SLC16A7: variants seen among roughly 807,000 people sequenced by gnomAD.
SLC16A7 encodes solute carrier family 16 member 7.
A neutral mutation model predicts 34.9 loss-of-function variants in SLC16A7; 33 were observed. That is an observed-to-expected ratio of 0.94 (90% CI 0.72 to 1.26). The LOEUF is 1.26. Among genes scored for constraint, SLC16A7 ranks in the 50% most tolerant of loss-of-function variants. The pLI, the probability that SLC16A7 is intolerant of heterozygous loss-of-function variation, is 0.00. For missense variants in SLC16A7, 573 were observed against 578.1 expected (o/e 0.99, Z 0.09); for synonymous variants, 201 against 206.6 (o/e 0.97, Z 0.23).
intron 3 of SLC16A7, among the ~76,000 whole-genome samples, chr12:59,740,491 C>G (rs1421520097): frequency 1.3e-5 from 2 of 152,070 alleles, no homozygotes; most frequent in African/African-American, 2.4e-5. Context: ...GCAGAAAAGG[C>G]CTTTGACAAA....
intron 1 of SLC16A7, among the ~76,000 whole-genome samples, chr12:59,623,750 G>A (rs1403754905): frequency 2.0e-5 from 3 of 151,414 alleles, no homozygotes; most frequent in Non-Finnish European, 3.0e-5. Flanking sequence ...CATTTCTATT[G>A]TTTTGTCTTA....
intron 2 of SLC16A7, among the ~76,000 whole-genome samples, chr12:59,687,656 G>C (rs772147392): frequency 6.6e-5 from 10 of 152,230 alleles, no homozygotes; most frequent in Non-Finnish European, 1.3e-4. Context: ...TGCCCATGCT[G>C]CTTAGGCACT....
At chr12:59,660,574 G>T (rs1868793890) in intron 2 of SLC16A7, among the ~76,000 whole-genome samples, 1 of 151,786 alleles carries the variant, frequency 6.6e-6, no homozygotes, top group African/African-American at 2.4e-5. Flanking sequence ...ATTATCCAGG[G>T]ATAGTGGCAT....
intron 1 of SLC16A7, among the ~76,000 whole-genome samples, chr12:59,623,653 C>T (rs1361886814): frequency 6.6e-6 from 1 of 151,578 alleles, no homozygotes; most frequent in African/African-American, 2.4e-5. Flanking sequence ...CTAATTAATT[C>T]TGTTTTATTT....
chr12:59,745,197 A>G (rs1283708699), intron 3 of SLC16A7, among the ~76,000 whole-genome samples: 1 of 152,196 alleles, frequency 6.6e-6, no homozygotes, highest in Non-Finnish European at 1.5e-5. Flanking sequence ...TCTTTTTCAT[A>G]TCTGAAGAAA....
intron 3 of SLC16A7, among the ~76,000 whole-genome samples, chr12:59,757,191 G>A (rs1230208580): frequency 6.6e-6 from 1 of 151,284 alleles, no homozygotes; most frequent in African/African-American, 2.4e-5. Context: ...CACCAGCATG[G>A]CACATGTATA....
At chr12:59,637,654 C>T (rs1404359432) in intron 1 of SLC16A7, among the ~76,000 whole-genome samples, 2 of 152,036 alleles carry the variant, frequency 1.3e-5, no homozygotes, top group African/African-American at 4.8e-5. Context: ...GAAATGAAGA[C>T]CAAAGACCCA....
chr12:59,772,982 ATGTTTGTT>A, intron 4 of SLC16A7, among the ~76,000 whole-genome samples: 1 of 152,148 alleles, frequency 6.6e-6, no homozygotes, highest in African/African-American at 2.4e-5. Flanking sequence ...TTTCAAGCCT[ATGTTTGTT>A]TAACCATGCC....
At chr12:59,663,450 A>G (rs1485626229) in intron 2 of SLC16A7, among the ~76,000 whole-genome samples, 1 of 152,066 alleles carries the variant, frequency 6.6e-6, no homozygotes, top group Non-Finnish European at 1.5e-5. Context: ...AGGTATATGT[A>G]CAGGGTACAA....
intron 3 of SLC16A7, chr12:59,719,771 A>G (rs979563688): frequency 1.5e-5 from 4 of 274,966 alleles, no homozygotes; most frequent in African/African-American, 8.8e-5. Context: ...CTCCAAAAAC[A>G]GAGAACTGGT....
intron 3 of SLC16A7, among the ~76,000 whole-genome samples, chr12:59,727,669 C>G (rs2706318): frequency 0.12 from 18,654 of 151,996 alleles, 1,497 homozygotes; most frequent in African/African-American, 0.22. Context: ...CCGGAGGTTT[C>G]AGTGAAGTAA....
chr12:59,673,536 A>G (rs925401767), intron 2 of SLC16A7, among the ~76,000 whole-genome samples: 1 of 152,098 alleles, frequency 6.6e-6, no homozygotes, highest in African/African-American at 2.4e-5. Flanking sequence ...TAGCAATAAA[A>G]TATTTCACAT....
At chr12:59,728,151 G>A (rs1306313402) in intron 3 of SLC16A7, among the ~76,000 whole-genome samples, 1 of 152,114 alleles carries the variant, frequency 6.6e-6, no homozygotes, top group African/African-American at 2.4e-5. Flanking sequence ...AGTATTACAT[G>A]GTGGGTTTAA....
intron 3 of SLC16A7, among the ~76,000 whole-genome samples, chr12:59,754,302 A>T (rs1490025220): frequency 1.3e-5 from 2 of 152,208 alleles, no homozygotes; most frequent in Admixed American, 6.5e-5. Flanking sequence ...CCTTCAAAAA[A>T]TTAATGAATC....
Position 59,775,355 on chromosome 12 carries a change from G to C in SLC16A7, c.1060G>C (p.Val354Leu). Residue 354 changes from valine (V) to leucine (L), a missense_variant, in exon 5 of 6, where the codon GTT (valine) becomes CTT (leucine). Val to Leu is a conservative substitution (Grantham distance 32). Transcript: ENST00000547379. ...ATTTTTTGGCCTTGGATTTGGGAGTGTTAGCAGTGTTCTCTTTGAAACTCT... is the reference window on the plus strand; with the variant it reads ...ATTTTTTGGCCTTGGATTTGGGAGTCTTAGCAGTGTTCTCTTTGAAACTCT... ...AVFFGLGFGS[V>L]SSVLFETLMD... is the part of the protein sequence containing the mutation. The C allele has an allele frequency of 6.2e-7, 1 of 1,614,090 alleles. No homozygotes were observed. The highest frequency in any genetic ancestry group is 8.5e-7 in the Non-Finnish European group (1 of 1,179,962).
Position 59,686,630 on chromosome 12 carries a change from A to G in SLC16A7, c.-30-18142A>G, listed in dbSNP as rs373489098. ...GATCATTTAGTTCCAGTTAATACAA[A>G]TAATAGTACCATCGGTTCTTTATAA... On this transcript the variant is annotated intron_variant, in intron 2 of 5. Transcript: ENST00000547379. Among the ~76,000 whole-genome samples the G allele has an allele frequency of 4.0e-4, 61 of 152,264 alleles. No homozygotes were observed. In the South Asian group the frequency reaches 0.012, roughly 30 times the overall value.
At chr12:59,618,067 A>G (rs932990068) in intron 1 of SLC16A7, among the ~76,000 whole-genome samples, 8 of 151,986 alleles carry the variant, frequency 5.3e-5, no homozygotes, top group African/African-American at 1.9e-4. Flanking sequence ...TAAGGGGCAA[A>G]GACATTTAGA....
At chr12:59,693,624 C>T (rs2137104329) in intron 2 of SLC16A7, among the ~76,000 whole-genome samples, 1 of 151,926 alleles carries the variant, frequency 6.6e-6, no homozygotes, top group East Asian at 1.9e-4. Flanking sequence ...TTATGGACAG[C>T]ACAGGTGTAA....
At chr12:59,625,533 G>T (rs1309042334) in intron 1 of SLC16A7, among the ~76,000 whole-genome samples, 4 of 151,786 alleles carry the variant, frequency 2.6e-5, no homozygotes, top group African/African-American at 9.7e-5. Context: ...CTTAATGATT[G>T]TGTGACTCAA....
Sources: allele counts gnomAD v4.1 joint callset (sites outside exome capture counted in the v4.1 genomes callset), GRCh38; gene constraint gnomAD v4.1.1; transcripts MANE v1.5; gene names NCBI Gene and HGNC (gene_info 2026-07-23, HGNC 2026-07-21).